Variants in SLC9A3 observed in about 807,000 individuals in gnomAD.
SLC9A3 encodes solute carrier family 9 member A3, also known as sodium/hydrogen exchanger 3.
In SLC9A3, 37 loss-of-function variants were observed where a neutral mutation model predicts 86.8. The ratio of observed to expected loss-of-function variants is 0.43; its 90% CI spans 0.33 to 0.56. The LOEUF (loss-of-function observed/expected upper bound fraction) is 0.56. Among genes scored for constraint, SLC9A3 ranks in the 20% least tolerant of loss-of-function variants. SLC9A3 has a pLI of 0.06. For missense variants in SLC9A3, 1,011 were observed against 1,171.9 expected, an observed-to-expected ratio of 0.86 and a Z score of 2.00; for synonymous variants, 581 against 528.3, an observed-to-expected ratio of 1.10 and a Z score of -1.37.
intron 1 of SLC9A3, among the ~76,000 whole-genome samples, chr5:498,139 G>A (rs1433877533): frequency 2.0e-5 from 3 of 152,160 alleles, no homozygotes; most frequent in Non-Finnish European, 4.4e-5. Flanking sequence ...AGCCTCGGCC[G>A]CCACTTCCGC....
At chr5:521,917 G>A (rs1236859727) in intron 1 of SLC9A3, among the ~76,000 whole-genome samples, 2 of 152,218 alleles carry the variant, frequency 1.3e-5, no homozygotes, top group Admixed American at 6.5e-5. Context: ...AAGAGGTGTG[G>A]CTGGCAGAGA....
Position 482,613 on chromosome 5 carries a change from C to T in SLC9A3, c.1291G>A (p.Val431Ile), listed in dbSNP as rs1303246585. 1.9e-6 allele frequency: 3 copies of T among 1,612,784 alleles called. No homozygotes were observed. Among genetic ancestry groups the T allele is most frequent in the Non-Finnish European group, 1.7e-6 (2 of 1,179,944 alleles). ...ALVVLLDGDK[V>I]KEKNLFVSTT... is the part of the protein sequence containing the mutation. ...CTGACGAACAGGTTCTTCTCCTTGA[C>T]CTTGTCTCCATCCAGAAGCACCACC... The change falls in exon 7 of 17, where the codon GTC (valine) becomes ATC (isoleucine). Residue 431 changes from valine to isoleucine, a missense_variant. By Grantham distance (29) the Val-to-Ile change is conservative. Coordinates refer to ENST00000264938, the MANE Select transcript of SLC9A3 (RefSeq NM_004174.4).
At chr5:515,270 A>G (rs1733692733) in intron 1 of SLC9A3, among the ~76,000 whole-genome samples, 1 of 151,714 alleles carries the variant, frequency 6.6e-6, no homozygotes, top group Admixed American at 6.6e-5. Flanking sequence ...GCCGCTCCCC[A>G]TTTGTGGAAT....
intron 1 of SLC9A3, among the ~76,000 whole-genome samples, chr5:515,464 C>T (rs1733702341): frequency 6.6e-6 from 1 of 152,142 alleles, no homozygotes; most frequent in Admixed American, 6.5e-5. Context: ...GGACTTGACA[C>T]ACAGCCAGCC....
At chr5:479,022 C>A (rs1257693935) in intron 10 of SLC9A3, 1 of 153,750 alleles carries the variant, frequency 6.5e-6, no homozygotes, top group East Asian at 1.9e-4. Flanking sequence ...CAGGCCCCCA[C>A]TGGCCCTCTG....
chr5:505,195 T>C (rs4502351), intron 1 of SLC9A3, among the ~76,000 whole-genome samples: 16,543 of 28,800 alleles, frequency 0.57, 5,019 homozygotes, highest in Middle Eastern at 0.67. Flanking sequence ...AGCATCTGGA[T>C]GTGTGCTGGG....
At chr5:490,249 G>A (rs72700701) in intron 2 of SLC9A3, among the ~76,000 whole-genome samples, 32,315 of 152,122 alleles carry the variant, frequency 0.21, 4,464 homozygotes, top group Non-Finnish European at 0.3. Context: ...GGGGCACAGC[G>A]ATACCTGGGA....
At chr5:478,261 C>G (rs187455354) in intron 10 of SLC9A3, 8 of 152,354 alleles carry the variant, frequency 5.3e-5, no homozygotes, top group Non-Finnish European at 5.9e-5. Flanking sequence ...CTTCTAAATC[C>G]AGCATCTTCT....
chr5:504,686 C>T (rs911786900), intron 1 of SLC9A3, among the ~76,000 whole-genome samples: 5 of 152,174 alleles, frequency 3.3e-5, no homozygotes, highest in Non-Finnish European at 5.9e-5. Flanking sequence ...CCATGGGCAC[C>T]GGGACCTGCA....
chr5:512,095 C>T (rs954537548), intron 1 of SLC9A3, among the ~76,000 whole-genome samples: 3 of 152,152 alleles, frequency 2.0e-5, no homozygotes, highest in Non-Finnish European at 4.4e-5. Flanking sequence ...GTGGTTGCCA[C>T]GGGTTAGGGG....
In SLC9A3 at chr5:524,315, C is replaced by T. The variant is rs1333669177; in HGVS notation, c.8G>A (p.Gly3Glu). 1.0e-5 allele frequency: 13 copies of T among 1,263,142 alleles called. No individual in the cohort carries two copies. In the Admixed American group the frequency reaches 3.9e-4, roughly 38 times the overall value. 78.2% of individuals were successfully genotyped at this position (1,263,142 alleles called of 1,614,324 possible). MW[G>E]LGARGPDRGL... ...CCGGTCGGGGCCCCGGGCCCCGAGT[C>T]CCCACATTGCCGCCTGCTCAGCGCA... Residue 3 changes from glycine to glutamate, a missense_variant, in exon 1 of 17, where the codon GGA (glycine) becomes GAA (glutamate). By Grantham distance (98) the Gly-to-Glu change is moderately conservative (BLOSUM62 -2). Around this residue, in one of 3 missense-constraint regions of SLC9A3, gnomAD observed 49 missense variants for 35.6 expected, o/e 1.38. Transcript: ENST00000264938.
At chr5:520,734 T>C in intron 1 of SLC9A3, among the ~76,000 whole-genome samples, 1 of 152,034 alleles carries the variant, frequency 6.6e-6, no homozygotes, top group Non-Finnish European at 1.5e-5. Context: ...CTCTGGCTTC[T>C]GACACCCCCG....
Position 482,743 on chromosome 5 carries a change from G to C in SLC9A3, c.1161C>G (p.Val387=). Reference sequence around the variant, plus strand: ...AGCGGTTCAGAAGCCAGGTCTGCAGGACCACACCTGCGGATGATGGGGCGG... The same window carrying C: ...AGCGGTTCAGAAGCCAGGTCTGCAGCACCACACCTGCGGATGATGGGGCGG... ...FISVYRAIGV[V]LQTWLLNRYR... The change falls in exon 7 of 17, where the codon GTC becomes GTG. Residue 387 remains valine (V), a synonymous_variant. Coordinates refer to ENST00000264938, the MANE Select transcript of SLC9A3 (RefSeq NM_004174.4). 6.2e-7 allele frequency: 1 copy of C among 1,601,434 alleles called. No homozygotes were observed. Among genetic ancestry groups the C allele is most frequent in the Non-Finnish European group, 8.5e-7 (1 of 1,174,858 alleles).
chr5:482,267 C>T (rs1247695401), intron 7 of SLC9A3, 110 bp from the exon 8 acceptor site: 1 of 852,534 alleles, frequency 1.2e-6, no homozygotes, highest in East Asian at 2.6e-5. Flanking sequence ...AGGCGCCCTC[C>T]CTGCTCTCCG....
chr5:485,169 G>A lies in SLC9A3; in HGVS notation c.738C>T (p.Asp246=). The A allele has an allele frequency of 6.2e-7, 1 of 1,613,648 alleles. No homozygotes were observed. The highest frequency in any genetic ancestry group is 8.5e-7 in the Non-Finnish European group (1 of 1,179,726). Reference sequence around the variant, plus strand: ...GCTACACACCTATGCCCTTCACGCAGTCCACGCCAGTCACGTTGTCACCTC... The same window carrying A: ...GCTACACACCTATGCCCTTCACGCAATCCACGCCAGTCACGTTGTCACCTC... ...ALGGDNVTGV[D]CVKGIVSFFV... is the part of the protein sequence containing the mutation. Residue 246 remains aspartate, a synonymous_variant, in exon 4 of 17, where the codon GAC becomes GAT. Transcript: ENST00000264938.
At position 479,887 on chromosome 5, in the gene SLC9A3, C is replaced by G. The variant is rs754319359; in HGVS notation, c.1596G>C (p.Leu532=). The change falls in exon 10 of 17, where the codon CTG becomes CTC. Residue 532 remains leucine (L), a synonymous_variant. Transcript: ENST00000264938. ...TCAGGTTCAGCTCGTGGAAGACATTCAGGATCCGGTCTCGAGACTTCTGGG... is the reference window on the plus strand; with the variant it reads ...TCAGGTTCAGCTCGTGGAAGACATTGAGGATCCGGTCTCGAGACTTCTGGG... ...RSAQKSRDRI[L]NVFHELNLKD... The G allele has an allele frequency of 1.2e-6, 2 of 1,613,984 alleles. No individual in the cohort carries two copies. The highest frequency in any genetic ancestry group is 4.5e-5 in the East Asian group (2 of 44,888).
intron 1 of SLC9A3, among the ~76,000 whole-genome samples, chr5:509,875 G>C (rs1031976100): frequency 2.6e-5 from 4 of 152,202 alleles, no homozygotes; most frequent in Non-Finnish European, 4.4e-5. Context: ...CCCGCGGCGC[G>C]AATCAAGCAA....
chr5:484,737 G>T, intron 4 of SLC9A3, 40 bp from the exon 5 acceptor site: 1 of 1,602,464 alleles, frequency 6.2e-7, no homozygotes, highest in Non-Finnish European at 8.5e-7. Context: ...CCGGCCTTCC[G>T]GGCCCTTCCT....
In SLC9A3 at chr5:479,978, A is replaced by G; in HGVS notation, c.1518-13T>C. 6.2e-7 allele frequency: 1 copy of G among 1,609,708 alleles called. No homozygotes were observed. Among genetic ancestry groups the G allele is most frequent in the Non-Finnish European group, 8.5e-7 (1 of 1,176,836 alleles). On this transcript the variant is annotated splice_polypyrimidine_tract_variant and intron_variant, in intron 9 of 16. Coordinates refer to ENST00000264938, the MANE Select transcript of SLC9A3 (RefSeq NM_004174.4). ...GAAGTGGGACCACCTGTAGGGACAG[A>G]CCTTGGGTGTGAGCCTCAGGTGACA...
Sources: gnomAD v4.1 joint callset for allele counts (sites outside exome capture counted in the v4.1 genomes callset) on GRCh38, gnomAD v4.1.1 for gene constraint, gnomAD v4.1.1 regional missense constraint, MANE v1.5 for transcripts, NCBI Gene and HGNC (gene_info 2026-07-23, HGNC 2026-07-21) for gene names.